CBFA2T2: variants seen among roughly 807,000 people sequenced by gnomAD.
CBFA2T2 encodes the protein protein CBFA2T2.
Under a neutral mutation model 62.2 loss-of-function variants are expected in CBFA2T2, and 11 were observed. That is an observed-to-expected ratio of 0.18 (90% CI 0.11 to 0.29). The LOEUF is 0.29. CBFA2T2 is among the 10% of genes least tolerant of loss of function. The pLI, the probability that CBFA2T2 is intolerant of heterozygous loss-of-function variation, is 1.00. For synonymous variants in CBFA2T2, 295 were observed against 287.5 expected (o/e 1.03, Z -0.27); for missense variants, 592 against 774.1 (o/e 0.76, Z 2.79).
At chr20:33,553,838 TG>T (rs2012810890) in intron 1 of CBFA2T2, among the ~76,000 whole-genome samples, 4 of 152,172 alleles carry the variant, frequency 2.6e-5, no homozygotes, top group African/African-American at 9.7e-5. Context: ...GTATGGTAGA[TG>T]TTAAAGAGGT....
At chr20:33,637,361 C>T (rs536866744) in intron 9 of CBFA2T2, among the ~76,000 whole-genome samples, 35 of 152,226 alleles carry the variant, frequency 2.3e-4, no homozygotes, top group African/African-American at 8.2e-4. Flanking sequence ...TTTATTTCTA[C>T]AAAAATGTAA....
At chr20:33,579,820 T>C (rs1303779569) in intron 1 of CBFA2T2, among the ~76,000 whole-genome samples, 35 of 149,780 alleles carry the variant, frequency 2.3e-4, no homozygotes, top group African/African-American at 6.3e-4. Context: ...TCTCTCTCTT[T>C]TTTTTTTTTT....
intron 1 of CBFA2T2, among the ~76,000 whole-genome samples, chr20:33,557,485 T>C (rs954802715): frequency 6.6e-6 from 1 of 151,886 alleles, no homozygotes; most frequent in Admixed American, 6.6e-5. Flanking sequence ...TGTATGAAAG[T>C]GTGTTTGCGT....
chr20:33,629,023 C>T (rs1183083934), intron 7 of CBFA2T2, among the ~76,000 whole-genome samples: 3 of 152,150 alleles, frequency 2.0e-5, no homozygotes, highest in East Asian at 1.9e-4. Context: ...CCCAGCTACT[C>T]GGGAAGCTAA....
chr20:33,556,586 TTTC>T (rs889310848), intron 1 of CBFA2T2, among the ~76,000 whole-genome samples: 1 of 152,180 alleles, frequency 6.6e-6, no homozygotes, highest in African/African-American at 2.4e-5. Flanking sequence ...TAGTGGTGAT[TTTC>T]TTTTTTCTAA....
intron 1 of CBFA2T2, among the ~76,000 whole-genome samples, chr20:33,561,557 G>A (rs376330314): frequency 8.5e-5 from 13 of 152,176 alleles, no homozygotes; most frequent in East Asian, 5.8e-4. Flanking sequence ...GAAATTGACT[G>A]AGCAGCTATT....
intron 1 of CBFA2T2, among the ~76,000 whole-genome samples, chr20:33,553,440 C>T (rs2012796520): frequency 6.6e-6 from 1 of 152,210 alleles, no homozygotes; most frequent in Non-Finnish European, 1.5e-5. Flanking sequence ...CCATATTGGT[C>T]AGGCTGGTCT....
chr20:33,630,992 AGT>A (rs2122358338), intron 8 of CBFA2T2, among the ~76,000 whole-genome samples: 1 of 152,288 alleles, frequency 6.6e-6, no homozygotes, highest in African/African-American at 2.4e-5. Flanking sequence ...ACATATGTAG[AGT>A]TATATAGTAT....
In CBFA2T2 at chr20:33,575,657, C is replaced by T. The variant is rs768545367; in HGVS notation, c.35-31299C>T. Among the ~76,000 whole-genome samples, 91 of 151,924 alleles carry T rather than the reference C, an allele frequency of 6.0e-4. 1 individual carries two copies. Among genetic ancestry groups the T allele is most frequent in the Non-Finnish European group, 5.6e-4 (38 of 67,964 alleles). On this transcript the variant is annotated intron_variant, in intron 1 of 10. Transcript: ENST00000342704. ...AGAAGCCTAAATCTCACCAAATTAT[C>T]GGGTGTTATACTAGGAACTATGGTT...
At chr20:33,594,671 C>T (rs1322208326) in intron 1 of CBFA2T2, among the ~76,000 whole-genome samples, 1 of 151,666 alleles carries the variant, frequency 6.6e-6, no homozygotes, top group African/African-American at 2.4e-5. Flanking sequence ...CCCTGTCTCC[C>T]GAAAAAAAAG....
At chr20:33,520,401 T>C (rs1335545769) in intron 1 of CBFA2T2, among the ~76,000 whole-genome samples, 1 of 152,222 alleles carries the variant, frequency 6.6e-6, no homozygotes, top group African/African-American at 2.4e-5. Flanking sequence ...AACCAAGCTC[T>C]CATATCTGTA....
At chr20:33,528,709 TGC>T (rs1568801961) in intron 1 of CBFA2T2, among the ~76,000 whole-genome samples, 2 of 139,888 alleles carry the variant, frequency 1.4e-5, no homozygotes, top group African/African-American at 2.6e-5. Flanking sequence ...TGTGTGTGTG[TGC>T]GTGTGTGGTG....
At position 33,636,632 on chromosome 20, in the gene CBFA2T2, T is replaced by C. The variant is rs377412331; in HGVS notation, c.1229-8T>C. 1.8e-4 allele frequency: 287 copies of C among 1,611,814 alleles called. 1 individual carries two copies. In the African/African-American group the frequency reaches 3.5e-3, roughly 20 times the overall value. On this transcript the variant is annotated splice_region_variant and splice_polypyrimidine_tract_variant and intron_variant, in intron 8 of 10. Transcript: ENST00000342704. The stretch of plus-strand genomic sequence containing the variant: ...TCTGACCCTATGCTTTTTATGTCTC[T>C]TCTGCAGATTCTCAGAGAGAGTTCA...
chr20:33,564,165 T>C (rs1484705404), intron 1 of CBFA2T2, among the ~76,000 whole-genome samples: 1 of 152,208 alleles, frequency 6.6e-6, no homozygotes, highest in Non-Finnish European at 1.5e-5. Context: ...TTATTTATAT[T>C]AATTGGGTAA....
intron 1 of CBFA2T2, 24 bp from the exon 2 acceptor site, chr20:33,606,932 C>T: frequency 6.2e-7 from 1 of 1,607,300 alleles, no homozygotes; most frequent in Non-Finnish European, 8.5e-7. Flanking sequence ...AAACCCTAAC[C>T]TCCATTTCTC....
chr20:33,634,286 A>C (rs993663025), intron 8 of CBFA2T2, among the ~76,000 whole-genome samples: 2 of 152,168 alleles, frequency 1.3e-5, no homozygotes, highest in Non-Finnish European at 2.9e-5. Flanking sequence ...AACAAAGAAA[A>C]AGAATACTTA....
chr20:33,554,991 C>A (rs1600964597), intron 1 of CBFA2T2, among the ~76,000 whole-genome samples: 1 of 152,044 alleles, frequency 6.6e-6, no homozygotes, highest in East Asian at 1.9e-4. Context: ...TTTAGGTGAG[C>A]ATTAAAGGAT....
chr20:33,581,125 G>A (rs145734935), intron 1 of CBFA2T2, among the ~76,000 whole-genome samples: 178 of 151,504 alleles, frequency 1.2e-3, no homozygotes, highest in African/African-American at 4.0e-3. Flanking sequence ...GTGCAGTGGC[G>A]TGATCTCGGT....
intron 8 of CBFA2T2, 100 bp from the exon 9 acceptor site, chr20:33,636,540 A>G (rs749449207): frequency 1.4e-4 from 112 of 813,456 alleles, no homozygotes; most frequent in Non-Finnish European, 2.0e-4. Flanking sequence ...TAAATGAAAT[A>G]TATGTTTGAG....
Sources: allele counts gnomAD v4.1 joint callset (sites outside exome capture counted in the v4.1 genomes callset), GRCh38; gene constraint gnomAD v4.1.1; transcripts MANE v1.5; gene names NCBI Gene and HGNC (gene_info 2026-07-23, HGNC 2026-07-21).